The following PXDNL variants were observed in gnomAD, a reference collection of about 807,000 sequenced individuals.
PXDNL encodes probable oxidoreductase PXDNL.
A neutral mutation model predicts 150.8 loss-of-function variants in PXDNL; 145 were observed. That is an observed-to-expected ratio of 0.96 (90% CI 0.84 to 1.10). The LOEUF (loss-of-function observed/expected upper bound fraction) is 1.10. Ranked by LOEUF, PXDNL falls within the 50% of genes least tolerant of loss-of-function variation. The pLI is 0.00. For missense variants in PXDNL, 2,087 were observed against 1,873.9 expected, an observed-to-expected ratio of 1.11 and a Z score of -2.10; for synonymous variants, 757 against 725.7, an observed-to-expected ratio of 1.04 and a Z score of -0.69.
chr8:51,435,731 A>G (rs1011259006), intron 12 of PXDNL: 16 of 358,224 alleles, frequency 4.5e-5, no homozygotes, highest in Non-Finnish European at 7.8e-5. Flanking sequence ...AGAAGAAGAT[A>G]GAGACTGGAT....
chr8:51,778,809 T>G (rs370713648), intron 1 of PXDNL, among the ~76,000 whole-genome samples: 20 of 152,366 alleles, frequency 1.3e-4, no homozygotes, highest in African/African-American at 4.8e-4. Context: ...GGCATTCCAA[T>G]TGCTGCCAGA....
At chr8:51,421,469 G>A (rs1808951160) in intron 14 of PXDNL, among the ~76,000 whole-genome samples, 1 of 152,180 alleles carries the variant, frequency 6.6e-6, no homozygotes, top group Non-Finnish European at 1.5e-5. Context: ...GGAGGCTAAG[G>A]TGGGCAGATC....
chr8:51,718,752 C>A lies in PXDNL; in HGVS notation c.165-63992G>T, dbSNP rs549742578. Among the ~76,000 whole-genome samples the A allele has an allele frequency of 3.9e-5, 6 of 152,344 alleles. No individual in the cohort carries two copies. In the South Asian group the frequency reaches 6.2e-4, roughly 16 times the overall value. ...TCCACTGTGACAGCTCATATGCCCCCTGAGGACTGCCTCTTGGCCCCTCTG... is the reference window on the plus strand; with the variant it reads ...TCCACTGTGACAGCTCATATGCCCCATGAGGACTGCCTCTTGGCCCCTCTG... On this transcript the variant is annotated intron_variant, in intron 1 of 22. Coordinates refer to ENST00000356297, the MANE Select transcript of PXDNL (RefSeq NM_144651.5).
intron 2 of PXDNL, among the ~76,000 whole-genome samples, chr8:51,604,259 AC>A (rs1427445281): frequency 6.6e-6 from 1 of 152,188 alleles, no homozygotes; most frequent in African/African-American, 2.4e-5. Flanking sequence ...CAAATGTCCA[AC>A]AACAATAGAC....
At chr8:51,373,152 G>C (rs547004481) in intron 18 of PXDNL, among the ~76,000 whole-genome samples, 288 of 152,266 alleles carry the variant, frequency 1.9e-3, no homozygotes, top group African/African-American at 6.6e-3. Flanking sequence ...GGTAAAAATA[G>C]ATCACGTGTG....
intron 4 of PXDNL, among the ~76,000 whole-genome samples, chr8:51,539,333 T>C (rs2130473530): frequency 6.6e-6 from 1 of 152,240 alleles, no homozygotes; most frequent in East Asian, 1.9e-4. Flanking sequence ...GCATGATATA[T>C]TTTTATCTTT....
chr8:51,649,540 A>G (rs574832514), intron 2 of PXDNL, among the ~76,000 whole-genome samples: 7 of 152,152 alleles, frequency 4.6e-5, no homozygotes, highest in Non-Finnish European at 7.3e-5. Flanking sequence ...AAGGTCACAT[A>G]TTTAGTCATT....
intron 19 of PXDNL, among the ~76,000 whole-genome samples, chr8:51,370,572 G>A (rs141025034): frequency 2.6e-4 from 39 of 152,240 alleles, no homozygotes; most frequent in African/African-American, 7.7e-4. Context: ...TGCTGTGTCC[G>A]ATAAAGCACC....
intron 1 of PXDNL, among the ~76,000 whole-genome samples, chr8:51,749,989 C>T (rs1182964772): frequency 6.6e-6 from 1 of 152,174 alleles, no homozygotes; most frequent in Non-Finnish European, 1.5e-5. Flanking sequence ...CGTGAGCCAC[C>T]AGGCCCGGTC....
At chr8:51,395,536 T>C (rs1808054764) in intron 17 of PXDNL, among the ~76,000 whole-genome samples, 1 of 152,174 alleles carries the variant, frequency 6.6e-6, no homozygotes, top group South Asian at 2.1e-4. Flanking sequence ...AAAAGGGAAT[T>C]CAAATTATGA....
chr8:51,616,485 T>G (rs1814132775), intron 2 of PXDNL, among the ~76,000 whole-genome samples: 1 of 152,202 alleles, frequency 6.6e-6, no homozygotes, highest in African/African-American at 2.4e-5. Context: ...CTCATTTGTA[T>G]CCATAGCTAT....
intron 1 of PXDNL, among the ~76,000 whole-genome samples, chr8:51,798,164 A>G (rs2037582638): frequency 1.3e-5 from 2 of 152,152 alleles, no homozygotes; most frequent in Admixed American, 1.3e-4. Flanking sequence ...CAAAAATTAT[A>G]CCTTATACAA....
chr8:51,585,173 T>C (rs1302865398), intron 3 of PXDNL, among the ~76,000 whole-genome samples: 12 of 152,120 alleles, frequency 7.9e-5, no homozygotes, highest in Non-Finnish European at 1.6e-4. Flanking sequence ...GGGAGAAAGA[T>C]AATGAGTTAA....
chr8:51,804,121 G>A (rs1446671655), intron 1 of PXDNL, among the ~76,000 whole-genome samples: 1 of 152,212 alleles, frequency 6.6e-6, no homozygotes, highest in Non-Finnish European at 1.5e-5. Context: ...ACATCAATCA[G>A]TTTATGTAAG....
intron 21 of PXDNL, among the ~76,000 whole-genome samples, chr8:51,323,923 AAT>A (rs200030504): frequency 4.1e-4 from 52 of 126,976 alleles, no homozygotes; most frequent in African/African-American, 1.6e-3. Flanking sequence ...TCTCAAAAAA[AAT>A]AAAATAAAAT....
intron 2 of PXDNL, among the ~76,000 whole-genome samples, chr8:51,605,376 C>G (rs545465257): frequency 6.6e-6 from 1 of 151,992 alleles, no homozygotes; most frequent in Non-Finnish European, 1.5e-5. Context: ...GGCGATATGA[C>G]TATTTGTTGC....
chr8:51,641,485 C>A (rs573529665), intron 2 of PXDNL, among the ~76,000 whole-genome samples: 6 of 152,136 alleles, frequency 3.9e-5, no homozygotes, highest in Non-Finnish European at 8.8e-5. Context: ...CCAGAATCTA[C>A]AATGAACTCA....
intron 1 of PXDNL, among the ~76,000 whole-genome samples, chr8:51,697,119 C>T (rs952400444): frequency 3.3e-5 from 5 of 152,070 alleles, no homozygotes; most frequent in Admixed American, 1.3e-4. Context: ...GCCTGGCCAA[C>T]ATGTTGAAAC....
intron 2 of PXDNL, among the ~76,000 whole-genome samples, chr8:51,608,866 A>G (rs1361640360): frequency 6.7e-6 from 1 of 149,180 alleles, no homozygotes; most frequent in East Asian, 2.0e-4. Context: ...AAAAGAAAGT[A>G]TTGCATTGAG....
Sources: gnomAD v4.1 joint callset for allele counts (sites outside exome capture counted in the v4.1 genomes callset) on GRCh38, gnomAD v4.1.1 for gene constraint, MANE v1.5 for transcripts, NCBI Gene and HGNC (gene_info 2026-07-23, HGNC 2026-07-21) for gene names.